NOL4: variants seen among roughly 807,000 people sequenced by gnomAD.
NOL4 encodes the protein nucleolar protein 4.
NOL4 carries 17 observed loss-of-function variants against 75.9 expected under a neutral mutation model. The observed-to-expected ratio is 0.22, with a 90% CI of 0.15 to 0.34. NOL4 has a LOEUF of 0.34. Ranked by LOEUF, NOL4 falls within the 10% of genes least tolerant of loss-of-function variation. The pLI is 1.00. For missense variants in NOL4, 614 were observed against 793.5 expected (o/e 0.77, Z 2.72); for synonymous variants, 292 against 289.9 (o/e 1.01, Z -0.07).
chr18:34,166,624 T>C (rs982028113), intron 1 of NOL4, among the ~76,000 whole-genome samples: 4 of 152,148 alleles, frequency 2.6e-5, no homozygotes, highest in African/African-American at 9.6e-5. Context: ...ACAATCATGC[T>C]GTAACTTTAA....
intron 1 of NOL4, among the ~76,000 whole-genome samples, chr18:34,166,038 G>T (rs1427184879): frequency 3.3e-5 from 5 of 151,870 alleles, no homozygotes; most frequent in Non-Finnish European, 7.4e-5. Flanking sequence ...AATTTTCACC[G>T]ATTCTTAAAA....
intron 5 of NOL4, among the ~76,000 whole-genome samples, chr18:34,048,224 T>C (rs1249275555): frequency 6.6e-6 from 1 of 152,178 alleles, no homozygotes; most frequent in Admixed American, 6.6e-5. Flanking sequence ...AATTTTACCA[T>C]GCTCCTGAGA....
chr18:33,873,826 T>C (rs2063806926), intron 10 of NOL4, among the ~76,000 whole-genome samples: 1 of 151,860 alleles, frequency 6.6e-6, no homozygotes, highest in Admixed American at 6.6e-5. Flanking sequence ...AATGGACAGG[T>C]AAAATAATAA....
chr18:33,884,805 G>A (rs1247275467), intron 9 of NOL4, among the ~76,000 whole-genome samples: 1 of 152,072 alleles, frequency 6.6e-6, no homozygotes, highest in Non-Finnish European at 1.5e-5. Context: ...TATGAAATTA[G>A]TTTGCTCTAT....
chr18:33,859,023 T>G (rs2144214389), intron 10 of NOL4, among the ~76,000 whole-genome samples: 1 of 152,188 alleles, frequency 6.6e-6, no homozygotes, highest in Non-Finnish European at 1.5e-5. Context: ...TCTGTCTTTA[T>G]TCATCTTGTC....
At chr18:34,103,245 A>G (rs1250631924) in intron 4 of NOL4, among the ~76,000 whole-genome samples, 1 of 152,032 alleles carries the variant, frequency 6.6e-6, no homozygotes, top group Non-Finnish European at 1.5e-5. Flanking sequence ...AAATAACCTG[A>G]ATGCATCTAT....
chr18:34,105,611 A>G (rs2079236414), intron 2 of NOL4, among the ~76,000 whole-genome samples: 1 of 152,006 alleles, frequency 6.6e-6, no homozygotes, highest in African/African-American at 2.4e-5. Flanking sequence ...ACATTTCTTC[A>G]TTGTTGCTTT....
At chr18:34,018,403 C>T (rs2074834305) in intron 6 of NOL4, among the ~76,000 whole-genome samples, 1 of 152,060 alleles carries the variant, frequency 6.6e-6, no homozygotes, top group South Asian at 2.1e-4. Flanking sequence ...CCAGGCAAGC[C>T]AGAAGATTTA....
chr18:33,988,691 C>T (rs116505034), intron 6 of NOL4, among the ~76,000 whole-genome samples: 1,775 of 151,876 alleles, frequency 0.012, 32 homozygotes, highest in African/African-American at 0.04. Flanking sequence ...ACTTGTTTCC[C>T]GCCCCCACCC....
chr18:34,153,913 G>A (rs2029875738), intron 1 of NOL4, among the ~76,000 whole-genome samples: 1 of 152,096 alleles, frequency 6.6e-6, no homozygotes, highest in Non-Finnish European at 1.5e-5. Flanking sequence ...CATACAGGAA[G>A]TAAATCGGAC....
chr18:33,880,006 T>G (rs1272945834), intron 10 of NOL4, among the ~76,000 whole-genome samples: 1 of 152,108 alleles, frequency 6.6e-6, no homozygotes, highest in African/African-American at 2.4e-5. Context: ...CACAGTCTTG[T>G]TAAAAAAATT....
chr18:33,977,075 T>C (rs574285112), intron 6 of NOL4, among the ~76,000 whole-genome samples: 1 of 152,248 alleles, frequency 6.6e-6, no homozygotes, highest in South Asian at 2.1e-4. Flanking sequence ...AATAATAATA[T>C]ATACAGTAAT....
At chr18:34,040,300 A>T (rs577905446) in intron 5 of NOL4, among the ~76,000 whole-genome samples, 1 of 151,858 alleles carries the variant, frequency 6.6e-6, no homozygotes, top group South Asian at 2.1e-4. Context: ...TACTTTTTGG[A>T]ATTTTTTCAT....
At chr18:34,127,122 C>T (rs2080422580) in intron 2 of NOL4, among the ~76,000 whole-genome samples, 1 of 151,632 alleles carries the variant, frequency 6.6e-6, no homozygotes, top group Non-Finnish European at 1.5e-5. Flanking sequence ...AATATATATA[C>T]CCTCCAATTT....
intron 6 of NOL4, among the ~76,000 whole-genome samples, chr18:33,994,863 T>C (rs1366270593): frequency 2.6e-5 from 4 of 151,534 alleles, no homozygotes; most frequent in Admixed American, 6.6e-5. Flanking sequence ...AGCTGGTTCT[T>C]TGAAAAGGTC....
At chr18:33,862,839 C>T (rs2063222212) in intron 10 of NOL4, among the ~76,000 whole-genome samples, 3 of 152,188 alleles carry the variant, frequency 2.0e-5, no homozygotes, top group African/African-American at 7.2e-5. Context: ...TAAACTAGTT[C>T]AACCATTGTG....
intron 9 of NOL4, among the ~76,000 whole-genome samples, chr18:33,926,950 T>C (rs1440310224): frequency 1.3e-5 from 2 of 152,214 alleles, no homozygotes; most frequent in Non-Finnish European, 1.5e-5. Flanking sequence ...TAGTATTTTA[T>C]TAATTAAGTT....
chr18:34,213,438 C>T (rs1216077517), intron 1 of NOL4, among the ~76,000 whole-genome samples: 8 of 152,064 alleles, frequency 5.3e-5, no homozygotes, highest in Non-Finnish European at 1.0e-4. Flanking sequence ...TACAGGCACA[C>T]GCCGCCACCC....
At chr18:34,077,231 C>G (rs1224013412) in intron 5 of NOL4, among the ~76,000 whole-genome samples, 1 of 152,078 alleles carries the variant, frequency 6.6e-6, no homozygotes, top group African/African-American at 2.4e-5. Flanking sequence ...TCATCTGAAC[C>G]CCAGTGGTTG....
Sources: gnomAD v4.1 joint callset for allele counts (sites outside exome capture counted in the v4.1 genomes callset) on GRCh38, gnomAD v4.1.1 for gene constraint, MANE v1.5 for transcripts, NCBI Gene and HGNC (gene_info 2026-07-23, HGNC 2026-07-21) for gene names.